Variants in SORL1 observed in about 807,000 individuals in gnomAD.
SORL1 encodes the protein sortilin related receptor 1.
Under a neutral mutation model 273.7 loss-of-function variants are expected in SORL1, and 127 were observed. The observed-to-expected ratio is 0.46, with a 90% confidence interval of 0.40 to 0.54. The LOEUF (loss-of-function observed/expected upper bound fraction) is 0.54, where lower values mean the gene tolerates loss of function less well. Among genes scored for constraint, SORL1 ranks in the 20% least tolerant of loss-of-function variants. The probability of loss-of-function intolerance (pLI) is 0.00; values close to 1 mark genes in which losing one functional copy is unlikely to be tolerated. For synonymous variants in SORL1, 1,031 were observed against 1,067.4 expected, an observed-to-expected ratio of 0.97 and a Z score of 0.66; for missense variants, 2,494 against 2,846.1, an observed-to-expected ratio of 0.88 and a Z score of 2.81.
At chr11:121,619,971 G>A in intron 43 of SORL1, 54 bp downstream of exon 43, 2 of 1,428,896 alleles carry the variant, frequency 1.4e-6, no homozygotes, top group Non-Finnish European at 9.8e-7. Context: ...TGGTTAGGGT[G>A]GGGTGGGATG....
rs1354618136 is a variant in SORL1, at chr11:121,577,286, C to T, written c.3466C>T (p.His1156Tyr). The T allele has an allele frequency of 2.5e-6, 4 of 1,590,610 alleles. No individual in the cohort carries two copies. The African/African-American group carries it at 4.1e-5, about 16-fold the overall frequency. The change falls in exon 25 of 48, where the codon CAC (histidine) becomes TAC (tyrosine). Residue 1156 changes from histidine (H) to tyrosine (Y), a missense_variant. Transcript: ENST00000260197. ...GTTTATGGTCTCACCTGCAGAAATG[C>T]ACCAGTGCCGGAGTGACGAGTACAA... ...DNSDESHCEM[H>Y]QCRSDEYNCS...
intron 1 of SORL1, among the ~76,000 whole-genome samples, chr11:121,461,064 GA>G (rs1298395722): frequency 1.3e-5 from 2 of 152,088 alleles, no homozygotes; most frequent in African/African-American, 4.8e-5. Context: ...GAAGTGTTTG[GA>G]AGGACTTGCA....
chr11:121,476,032 G>GTATTACA (rs1481652361), intron 2 of SORL1, among the ~76,000 whole-genome samples: 1 of 152,196 alleles, frequency 6.6e-6, no homozygotes, highest in Admixed American at 6.5e-5. Flanking sequence ...TTGTAAAGGA[G>GTATTACA]TATTACATAC....
chr11:121,537,270 T>G (rs187577532), intron 12 of SORL1, among the ~76,000 whole-genome samples: 1 of 152,244 alleles, frequency 6.6e-6, no homozygotes, highest in Admixed American at 6.5e-5. Context: ...TAGGGTCCCT[T>G]TGAAGGATTT....
chr11:121,478,807 T>G (rs941027702), intron 3 of SORL1, among the ~76,000 whole-genome samples: 1 of 151,458 alleles, frequency 6.6e-6, no homozygotes. Flanking sequence ...CCTTTGTGTG[T>G]GTGCTTGTGT....
chr11:121,520,277 G>C (rs1018066655), intron 8 of SORL1, among the ~76,000 whole-genome samples: 1 of 152,126 alleles, frequency 6.6e-6, no homozygotes, highest in Non-Finnish European at 1.5e-5. Context: ...AAGGAATGAA[G>C]TTCTAACAAT....
At chr11:121,477,129 A>G (rs1861281639) in intron 2 of SORL1, among the ~76,000 whole-genome samples, 1 of 151,992 alleles carries the variant, frequency 6.6e-6, no homozygotes, top group African/African-American at 2.4e-5. Flanking sequence ...CCCCTTTTCC[A>G]TGAATCATTT....
At chr11:121,583,727 C>G (rs1406221263) in intron 26 of SORL1, 144 bp downstream of exon 26, 1 of 824,830 alleles carries the variant, frequency 1.2e-6, no homozygotes, top group Non-Finnish European at 1.8e-6. Context: ...CATCTACTTT[C>G]TATGTTATAT....
At position 121,501,867 on chromosome 11, in the gene SORL1, A is replaced by G. The variant is rs977387237; in HGVS notation, c.939+4818A>G. 9.2e-5 allele frequency among the ~76,000 whole-genome samples: 14 copies of G among 152,316 alleles called. No homozygotes were observed. The East Asian group carries it at 2.7e-3, about 29-fold the overall frequency. On this transcript the variant is annotated intron_variant, in intron 6 of 47. Transcript: ENST00000260197. The stretch of plus-strand genomic sequence containing the variant: ...TTTTGTGACTGGTTTCTTTCACAGT[A>G]TAATGTTTTCAAGTTTCATTTATGT...
At chr11:121,485,767 A>G (rs1243484868) in intron 3 of SORL1, among the ~76,000 whole-genome samples, 1 of 152,244 alleles carries the variant, frequency 6.6e-6, no homozygotes, top group Non-Finnish European at 1.5e-5. Flanking sequence ...CTTTTATGCC[A>G]GAAATTATGA....
At position 121,474,100 on chromosome 11, in the gene SORL1, C is replaced by T. The variant is rs558863119; in HGVS notation, c.402+3977C>T. ...AATCAGAACACCTGGGCTGGAATCC[C>T]GGATGTGCCATTCATTAGCAATCTG... On this transcript the variant is annotated intron_variant, in intron 2 of 47. Transcript: ENST00000260197. Among the ~76,000 whole-genome samples, 16 of 152,314 alleles carry T rather than the reference C, an allele frequency of 1.1e-4. No homozygotes were observed. In the South Asian group the frequency reaches 3.1e-3, roughly 30 times the overall value.
At chr11:121,574,213 A>G (rs761511598) in intron 23 of SORL1, 28 bp from the exon 24 acceptor site, 1 of 1,611,276 alleles carries the variant, frequency 6.2e-7, no homozygotes, top group Non-Finnish European at 8.5e-7. Flanking sequence ...GTACCTAAGG[A>G]ATATGTTGTC....
rs564524562 is a variant in SORL1 at position 121,607,024 on chromosome 11, A to T, written c.5061+67A>T. 631 of 1,249,034 alleles carry T rather than the reference A, an allele frequency of 5.1e-4. 1 individual carries two copies. The highest frequency in any genetic ancestry group is 6.7e-4 in the Non-Finnish European group (572 of 850,846). 77.4% of individuals were successfully genotyped at this position (1,249,034 alleles called of 1,614,324 possible). On this transcript the variant is annotated intron_variant, in intron 36 of 47. Transcript: ENST00000260197. ...GCTAGGAGATTTCTGGGTATTCTGT[A>T]TGACGAGGGGGTTGATTTGGTTTAG...
intron 1 of SORL1, among the ~76,000 whole-genome samples, chr11:121,454,408 A>G (rs1367843329): frequency 6.6e-6 from 1 of 152,226 alleles, no homozygotes; most frequent in Non-Finnish European, 1.5e-5. Context: ...GGTTTGGTTT[A>G]TGAAAAGCTC....
At chr11:121,507,788 T>TCAG (rs1488744044) in intron 6 of SORL1, among the ~76,000 whole-genome samples, 1 of 152,192 alleles carries the variant, frequency 6.6e-6, no homozygotes, top group Non-Finnish European at 1.5e-5. Context: ...GGACAATTTC[T>TCAG]ACTGACTACT....
intron 32 of SORL1, 40 bp from the exon 33 acceptor site, chr11:121,604,153 G>A: frequency 6.2e-7 from 1 of 1,610,120 alleles, no homozygotes. Flanking sequence ...GTACCATACG[G>A]CCCCTCCCCG....
chr11:121,499,844 G>C (rs1039449375), intron 6 of SORL1, among the ~76,000 whole-genome samples: 1 of 152,178 alleles, frequency 6.6e-6, no homozygotes, highest in African/African-American at 2.4e-5. Flanking sequence ...TCAAAGAACT[G>C]ATTTTAAAGC....
intron 1 of SORL1, among the ~76,000 whole-genome samples, chr11:121,466,933 TA>T (rs1417551721): frequency 6.6e-6 from 1 of 150,702 alleles, no homozygotes; most frequent in African/African-American, 2.4e-5. Flanking sequence ...GGACATCTAA[TA>T]AAAAAAGCTT....
At position 121,629,847 on chromosome 11, in the gene SORL1, G is replaced by A. The variant is rs1165204838; in HGVS notation, c.*284G>A. The A allele has an allele frequency of 3.5e-5, 13 of 373,480 alleles. No homozygotes were observed. The highest frequency in any genetic ancestry group is 7.6e-4 in the Middle Eastern group (1 of 1,318). 23.1% of individuals were successfully genotyped at this position (373,480 alleles called of 1,614,324 possible). A position where few individuals can be genotyped will look rare whatever the true frequency, so the allele number is the denominator to read the frequency against. On this transcript the variant is annotated 3_prime_UTR_variant, in exon 48 of 48. Coordinates refer to ENST00000260197, the MANE Select transcript of SORL1 (RefSeq NM_003105.6). ...GCTGGGCATGCTTTTACGTCTGTGAGATAATTTCGGTTCAGTAAATTGGCC... is the reference window on the plus strand; with the variant it reads ...GCTGGGCATGCTTTTACGTCTGTGAAATAATTTCGGTTCAGTAAATTGGCC...
Sources: allele counts gnomAD v4.1 joint callset (sites outside exome capture counted in the v4.1 genomes callset), GRCh38; gene constraint gnomAD v4.1.1; transcripts MANE v1.5; gene names NCBI Gene and HGNC (gene_info 2026-07-23, HGNC 2026-07-21).